Variants in XNDC1N observed in about 807,000 individuals in gnomAD.
The protein encoded by XNDC1N is XRCC1 N-terminal domain containing 1, N-terminal like, also known as protein XNDC1N.
At chr11:71,928,591 G>C in the XNDC1N span, 2 of 702,330 alleles carry the variant, frequency 2.8e-6, no homozygotes, top group Admixed American at 2.0e-5. Flanking sequence ...ATACATTTCC[G>C]TGTGTTTTAA....
chr11:71,886,646 C>T, the XNDC1N span, among the ~76,000 whole-genome samples: 1 of 152,146 alleles, frequency 6.6e-6, no homozygotes, highest in Non-Finnish European at 1.5e-5. Context: ...AAAATCAGCG[C>T]ATGATTCCCA....
the XNDC1N span, chr11:71,916,065 C>T: frequency 1.4e-6 from 1 of 698,938 alleles, no homozygotes; most frequent in Admixed American, 2.0e-5. Context: ...ACTCCATCAT[C>T]ATACATACCT....
the XNDC1N span, among the ~76,000 whole-genome samples, chr11:71,906,693 C>A: frequency 6.6e-6 from 1 of 152,096 alleles, no homozygotes; most frequent in Admixed American, 6.5e-5. Flanking sequence ...GTGTACAGGA[C>A]CTGTGATTTA....
At chr11:71,886,268 C>A in the XNDC1N span, among the ~76,000 whole-genome samples, 2 of 152,176 alleles carry the variant, frequency 1.3e-5, no homozygotes, top group Non-Finnish European at 2.9e-5. Context: ...CACAACCCCA[C>A]CTGGGCTGAT....
the XNDC1N span, among the ~76,000 whole-genome samples, chr11:71,870,851 AG>A: frequency 6.6e-6 from 1 of 152,228 alleles, no homozygotes; most frequent in Non-Finnish European, 1.5e-5. Flanking sequence ...CACACCTGCT[AG>A]AATGGCTACT....
At chr11:71,897,708 G>A in the XNDC1N span, among the ~76,000 whole-genome samples, 16 of 152,328 alleles carry the variant, frequency 1.1e-4, no homozygotes, top group Non-Finnish European at 2.2e-4. Flanking sequence ...TTGCATTTGT[G>A]GGTACCTACC....
chr11:71,884,342 T>C, the XNDC1N span: 3 of 1,419,286 alleles, frequency 2.1e-6, no homozygotes, highest in African/African-American at 4.4e-5. Context: ...TATAAAACAT[T>C]TCAGACATTT....
the XNDC1N span, among the ~76,000 whole-genome samples, chr11:71,915,187 G>A: frequency 2.0e-5 from 3 of 152,114 alleles, no homozygotes; most frequent in African/African-American, 2.4e-5. Context: ...GGTGGCTCAC[G>A]CCTGTAATCC....
the XNDC1N span, chr11:71,923,485 A>G: frequency 1.6e-6 from 1 of 638,208 alleles, no homozygotes; most frequent in Admixed American, 2.7e-5. Flanking sequence ...CCTGAAAAAG[A>G]GAACAGAAGA....
At chr11:71,910,059 C>G in the XNDC1N span, among the ~76,000 whole-genome samples, 454 of 152,124 alleles carry the variant, frequency 3.0e-3, 7 homozygotes, top group Non-Finnish European at 3.8e-3. Flanking sequence ...GAGGCAAAAA[C>G]AGGACCCGGT....
chr11:71,925,741 G>A, the XNDC1N span, among the ~76,000 whole-genome samples: 36 of 150,988 alleles, frequency 2.4e-4, no homozygotes, highest in African/African-American at 8.3e-4. Flanking sequence ...TTAGCCGGAC[G>A]TGGTGGCGGG....
At chr11:71,908,924 G>C in the XNDC1N span, among the ~76,000 whole-genome samples, 4 of 152,184 alleles carry the variant, frequency 2.6e-5, no homozygotes, top group Admixed American at 6.5e-5. Flanking sequence ...AAAGGCTAAA[G>C]CGAGACAGAG....
the XNDC1N span, among the ~76,000 whole-genome samples, chr11:71,915,047 T>C: frequency 1.3e-5 from 2 of 152,154 alleles, no homozygotes; most frequent in Non-Finnish European, 2.9e-5. Flanking sequence ...GCAAATGTAA[T>C]TGTCTTATTT....
the XNDC1N span, among the ~76,000 whole-genome samples, chr11:71,872,802 T>C: frequency 1.3e-5 from 2 of 152,218 alleles, no homozygotes; most frequent in Non-Finnish European, 2.9e-5. Flanking sequence ...TTCTAGCACC[T>C]TTTGGATGTA....
At chr11:71,900,569 C>A in the XNDC1N span, among the ~76,000 whole-genome samples, 55 of 152,326 alleles carry the variant, frequency 3.6e-4, no homozygotes, top group East Asian at 4.8e-3. Flanking sequence ...TCTCCTCCCC[C>A]ACTGGTTGTC....
At chr11:71,903,865 C>T in the XNDC1N span, 4 of 362,056 alleles carry the variant, frequency 1.1e-5, no homozygotes, top group Non-Finnish European at 2.2e-5. Flanking sequence ...TTGTTTCCTC[C>T]ATTCTGAGGG....
the XNDC1N span, chr11:71,916,322 A>C: frequency 1.5e-6 from 1 of 688,520 alleles, no homozygotes; most frequent in South Asian, 1.5e-5. Flanking sequence ...AGAGGAAGAA[A>C]AGGTCAATAC....
the XNDC1N span, chr11:71,928,338 C>G: frequency 3.2e-6 from 2 of 634,440 alleles, no homozygotes; most frequent in Non-Finnish European, 5.7e-6. Flanking sequence ...ACTCCCCTCC[C>G]CATCAACAAA....
the XNDC1N span, among the ~76,000 whole-genome samples, chr11:71,867,155 AAC>A: frequency 6.9e-6 from 1 of 144,448 alleles, no homozygotes; most frequent in Non-Finnish European, 1.5e-5. Context: ...TAAATAACAC[AAC>A]AGTTTAATAA....
Sources: gnomAD v4.1 joint callset for allele counts (sites outside exome capture counted in the v4.1 genomes callset) on GRCh38, gnomAD v4.1.1 for gene constraint, MANE v1.5 for transcripts, NCBI Gene and HGNC (gene_info 2026-07-23, HGNC 2026-07-21) for gene names.